Variants in UNC13B observed in about 807,000 individuals in gnomAD.
UNC13B encodes the protein unc-13 homolog B, also known as protein unc-13 homolog B.
A neutral mutation model predicts 211.0 loss-of-function variants in UNC13B; 144 were observed. That is an observed-to-expected ratio of 0.68 (90% confidence interval 0.60 to 0.78). UNC13B has a LOEUF of 0.78. Ranked by LOEUF, UNC13B falls within the 30% of genes least tolerant of loss-of-function variation. The pLI is 0.00. For missense variants in UNC13B, 1,777 were observed against 2,002.0 expected (o/e 0.89, Z 2.14); for synonymous variants, 709 against 725.8 (o/e 0.98, Z 0.37).
intron 17 of UNC13B, 107 bp from the exon 18 acceptor site, chr9:35,380,363 T>G: frequency 3.2e-6 from 4 of 1,234,092 alleles, no homozygotes; most frequent in Non-Finnish European, 4.5e-6. Context: ...TTCTCCTCTT[T>G]CAGGGCCTCA....
chr9:35,283,152 A>T (rs1478328625), intron 7 of UNC13B, among the ~76,000 whole-genome samples: 1 of 152,072 alleles, frequency 6.6e-6, no homozygotes, highest in African/African-American at 2.4e-5. Context: ...CACAGTATGT[A>T]TTTTTCCTCT....
intron 7 of UNC13B, among the ~76,000 whole-genome samples, chr9:35,281,280 G>A (rs1307419747): frequency 6.6e-6 from 1 of 151,566 alleles, no homozygotes; most frequent in African/African-American, 2.4e-5. Context: ...GCTGGGCATG[G>A]TGGCACTTTC....
In UNC13B at chr9:35,302,958, G is replaced by A; in HGVS notation, c.3554G>A (p.Gly1185Glu). 2.5e-6 allele frequency: 1 copy of A among 398,656 alleles called. No homozygotes were observed. Among genetic ancestry groups the A allele is most frequent in the Non-Finnish European group, 4.4e-6 (1 of 225,768 alleles). The allele number at this position is 398,656 out of a possible 1,614,324, so 24.7% of individuals were successfully genotyped here. A position where few individuals can be genotyped will look rare whatever the true frequency, so the allele number is the denominator to read the frequency against. Reference sequence around the variant, plus strand: ...AATAATACCCCAGGTTTAATCTCTGGAATATTTAACCTGCTATCAAATAGC... The same window carrying A: ...AATAATACCCCAGGTTTAATCTCTGAAATATTTAACCTGCTATCAAATAGC... ...HKNNTPGLIS[G>E]IFNLLSNSGM... The change falls in exon 9 of 40, where the codon GGA becomes GAA. Residue 1185 changes from glycine to glutamate, a missense_variant. Transcript: ENST00000635942.
chr9:35,252,182 G>A (rs1826534067), intron 6 of UNC13B, among the ~76,000 whole-genome samples: 1 of 152,134 alleles, frequency 6.6e-6, no homozygotes, highest in Non-Finnish European at 1.5e-5. Flanking sequence ...TTGTGATAGA[G>A]GTGATGTTAA....
intron 29 of UNC13B, 63 bp from the exon 30 acceptor site, chr9:35,397,572 G>T (rs777990618): frequency 9.0e-6 from 14 of 1,546,980 alleles, no homozygotes; most frequent in Non-Finnish European, 1.2e-5. Context: ...GCCACCTCAG[G>T]CAAGATCCCC....
At chr9:35,276,487 G>T (rs1412554045) in intron 7 of UNC13B, among the ~76,000 whole-genome samples, 1 of 152,064 alleles carries the variant, frequency 6.6e-6, no homozygotes, top group Non-Finnish European at 1.5e-5. Flanking sequence ...AAGAACTTCT[G>T]CAGTTTATGT....
chr9:35,210,145 C>A (rs1219551212), intron 1 of UNC13B, among the ~76,000 whole-genome samples: 1 of 152,092 alleles, frequency 6.6e-6, no homozygotes, highest in Non-Finnish European at 1.5e-5. Flanking sequence ...CAAATAATTC[C>A]TAATAAATGT....
chr9:35,268,224 G>T (rs1419896247), intron 7 of UNC13B, among the ~76,000 whole-genome samples: 1 of 152,120 alleles, frequency 6.6e-6, no homozygotes, highest in Non-Finnish European at 1.5e-5. Context: ...GGGAAGGAGT[G>T]ACCTCTCTTC....
intron 7 of UNC13B, among the ~76,000 whole-genome samples, chr9:35,289,004 GT>G (rs5897598): frequency 0.63 from 93,795 of 149,152 alleles, 30,215 homozygotes; most frequent in African/African-American, 0.75. Context: ...CTACAGGAGG[GT>G]TTTTTTTTTT....
chr9:35,332,132 C>A (rs1831407464), intron 11 of UNC13B, among the ~76,000 whole-genome samples: 1 of 152,154 alleles, frequency 6.6e-6, no homozygotes, highest in South Asian at 2.1e-4. Context: ...CAGGCATGAG[C>A]CACCACGTCT....
intron 4 of UNC13B, 39 bp downstream of exon 4, chr9:35,236,625 A>C: frequency 6.5e-7 from 1 of 1,538,180 alleles, no homozygotes; most frequent in Non-Finnish European, 9.0e-7. Context: ...TATGGTTCCC[A>C]GCCCATGCTT....
intron 1 of UNC13B, among the ~76,000 whole-genome samples, chr9:35,173,061 G>A (rs1020215197): frequency 6.6e-6 from 1 of 152,150 alleles, no homozygotes; most frequent in African/African-American, 2.4e-5. Context: ...TTTCTATAGC[G>A]TTTCATTGTA....
At chr9:35,259,239 C>T (rs891237673) in intron 7 of UNC13B, among the ~76,000 whole-genome samples, 189 bp downstream of exon 7, 3 of 152,060 alleles carry the variant, frequency 2.0e-5, no homozygotes, top group Admixed American at 6.6e-5. Flanking sequence ...AGACGTTTTT[C>T]GGTTTTGTAT....
intron 11 of UNC13B, among the ~76,000 whole-genome samples, chr9:35,359,966 T>G (rs993510832): frequency 6.6e-5 from 10 of 152,362 alleles, no homozygotes; most frequent in Admixed American, 6.5e-4. Context: ...AGCATTCTTA[T>G]AAAGGCCTGT....
intron 1 of UNC13B, among the ~76,000 whole-genome samples, chr9:35,216,703 T>G (rs946276940): frequency 6.6e-6 from 1 of 151,948 alleles, no homozygotes; most frequent in Non-Finnish European, 1.5e-5. Flanking sequence ...AAATATTTAA[T>G]CCACAGGAAG....
In UNC13B at chr9:35,221,412, TG is replaced by T. The variant is rs532706807; in HGVS notation, c.23-6602del. ...CAAATATCTATTCAGGTCTTTTGCC[TG>T]TTTTTAAATTGGATTATTAGACTTT... On this transcript the variant is annotated intron_variant, in intron 1 of 39. Coordinates refer to ENST00000635942, the MANE Select transcript of UNC13B (RefSeq NM_001371189.2). 3.3e-5 allele frequency among the ~76,000 whole-genome samples: 5 copies of T among 152,352 alleles called. No individual in the cohort carries two copies. The South Asian group carries it at 1.0e-3, about 32-fold the overall frequency.
intron 1 of UNC13B, among the ~76,000 whole-genome samples, chr9:35,207,382 C>G (rs1274028260): frequency 6.6e-6 from 1 of 151,956 alleles, no homozygotes; most frequent in African/African-American, 2.4e-5. Flanking sequence ...ACTCCAGTCT[C>G]CTGAGTAGCT....
chr9:35,374,564 T>C (rs891609402), intron 13 of UNC13B, among the ~76,000 whole-genome samples: 6 of 152,228 alleles, frequency 3.9e-5, no homozygotes, highest in Non-Finnish European at 7.3e-5. Context: ...GACTTAACTC[T>C]CTGTCCTGCT....
chr9:35,277,070 C>T (rs1419675922), intron 7 of UNC13B, among the ~76,000 whole-genome samples: 1 of 151,854 alleles, frequency 6.6e-6, no homozygotes, highest in Non-Finnish European at 1.5e-5. Flanking sequence ...AGTGTAGGGA[C>T]ATAGTCTTTG....
Sources: allele counts gnomAD v4.1 joint callset (sites outside exome capture counted in the v4.1 genomes callset), GRCh38; gene constraint gnomAD v4.1.1; transcripts MANE v1.5; gene names NCBI Gene and HGNC (gene_info 2026-07-23, HGNC 2026-07-21).